GAPVD1: variants seen among roughly 807,000 people sequenced by gnomAD.
The protein encoded by GAPVD1 is GTPase activating protein and VPS9 domains 1, also known as GTPase-activating protein and VPS9 domain-containing protein 1.
In GAPVD1, 35 loss-of-function variants were observed where a neutral mutation model predicts 155.5. The ratio of observed to expected loss-of-function variants is 0.23; its 90% CI spans 0.17 to 0.30. The LOEUF (loss-of-function observed/expected upper bound fraction) is 0.30, where lower values mean the gene tolerates loss of function less well. GAPVD1 is among the 10% of genes least tolerant of loss of function. The probability of loss-of-function intolerance (pLI) is 1.00; values close to 1 mark genes in which losing one functional copy is unlikely to be tolerated. For synonymous variants in GAPVD1, 636 were observed against 619.7 expected, an observed-to-expected ratio of 1.03 and a Z score of -0.39; for missense variants, 1,429 against 1,775.7, an observed-to-expected ratio of 0.80 and a Z score of 3.51.
At chr9:125,335,784 G>C (rs780833931) in intron 15 of GAPVD1, among the ~76,000 whole-genome samples, 5 of 152,118 alleles carry the variant, frequency 3.3e-5, no homozygotes, top group African/African-American at 4.8e-5. Context: ...TTAAACTTCA[G>C]TTTTCTAATA....
At chr9:125,333,539 A>C (rs1036962015) in intron 15 of GAPVD1, among the ~76,000 whole-genome samples, 2 of 123,196 alleles carry the variant, frequency 1.6e-5, no homozygotes, top group Non-Finnish European at 3.2e-5. Context: ...CCCAGGCTGG[A>C]GTGCAATGGC....
At chr9:125,341,145 A>C in intron 17 of GAPVD1, 32 bp from the exon 18 acceptor site, 1 of 1,063,288 alleles carries the variant, frequency 9.4e-7, no homozygotes, top group Non-Finnish European at 1.5e-6. Flanking sequence ...CTGCTATCCA[A>C]CTCCAAATAA....
At chr9:125,290,686 G>A (rs184503015) in intron 2 of GAPVD1, among the ~76,000 whole-genome samples, 74 of 152,264 alleles carry the variant, frequency 4.9e-4, no homozygotes, top group African/African-American at 1.7e-3. Flanking sequence ...AACAGTAAGC[G>A]TCCATCTAGG....
chr9:125,314,979 G>A (rs976577070), intron 9 of GAPVD1, among the ~76,000 whole-genome samples: 1 of 151,950 alleles, frequency 6.6e-6, no homozygotes, highest in Admixed American at 6.6e-5. Flanking sequence ...AGTAGAGACA[G>A]GGTTTCACCA....
intron 2 of GAPVD1, among the ~76,000 whole-genome samples, chr9:125,286,717 G>A (rs977686814): frequency 3.3e-5 from 5 of 152,080 alleles, no homozygotes; most frequent in African/African-American, 9.7e-5. Context: ...GATGCCCTAT[G>A]CCTTTGAGGA....
In GAPVD1 at chr9:125,302,295, C is replaced by A. The variant is rs973107417; in HGVS notation, c.498C>A (p.Asn166Lys). The A allele has an allele frequency of 1.2e-6, 2 of 1,613,860 alleles. No individual in the cohort carries two copies. The highest frequency in any genetic ancestry group is 1.1e-5 in the South Asian group (1 of 91,086). Residue 166 changes from asparagine to lysine, a missense_variant, in exon 5 of 28, where the codon AAC becomes AAA. By Grantham distance (94) the Asn-to-Lys change is moderately conservative (BLOSUM62 0). Coordinates refer to ENST00000297933, the MANE Select transcript of GAPVD1 (RefSeq NM_001282680.3). ...LIEFELKESDNPRRLLRRGTC... is the reference protein window; with the variant it reads ...LIEFELKESDKPRRLLRRGTC... ...AATTTGAACTTAAAGAAAGTGACAACCCTAGGCGACTTTTGAGGAGAGGAA... is the reference window on the plus strand; with the variant it reads ...AATTTGAACTTAAAGAAAGTGACAAACCTAGGCGACTTTTGAGGAGAGGAA...
At chr9:125,296,168 T>C (rs566348650) in intron 3 of GAPVD1, among the ~76,000 whole-genome samples, 86 of 151,966 alleles carry the variant, frequency 5.7e-4, no homozygotes, top group African/African-American at 1.8e-3. Flanking sequence ...CCTAACACTT[T>C]CTTTCTTTCT....
Position 125,347,777 on chromosome 9 carries a change from A to G in GAPVD1, c.3169+836A>G, listed in dbSNP as rs185719342. ...TGCATAAATATGTGTTTATGCTTAT[A>G]TGCACGTAGAGTATCTCCTGGAAGA... is the stretch of plus-strand genomic sequence containing the variant. On this transcript the variant is annotated intron_variant, in intron 20 of 27. Transcript: ENST00000297933. 2.8e-3 allele frequency among the ~76,000 whole-genome samples: 429 copies of G among 152,230 alleles called. 2 individuals are homozygous for G. The highest frequency in any genetic ancestry group is 9.9e-3 in the African/African-American group (412 of 41,550).
chr9:125,342,419 G>A (rs1589056407), intron 19 of GAPVD1, 120 bp downstream of exon 19: 2 of 671,376 alleles, frequency 3.0e-6, no homozygotes, highest in East Asian at 2.6e-5. Context: ...GTACAGTGGG[G>A]AGTATGTTCT....
intron 1 of GAPVD1, among the ~76,000 whole-genome samples, chr9:125,266,754 G>T (rs551608350): frequency 1.3e-5 from 2 of 151,318 alleles, no homozygotes; most frequent in Non-Finnish European, 3.0e-5. Context: ...TGTTCGTTTT[G>T]TTTTTTTCTT....
intron 10 of GAPVD1, among the ~76,000 whole-genome samples, chr9:125,322,072 T>C (rs1237281138): frequency 6.8e-6 from 1 of 146,440 alleles, no homozygotes; most frequent in African/African-American, 2.5e-5. Context: ...CTAGTACCAA[T>C]TTTTTTTTTT....
intron 19 of GAPVD1, chr9:125,346,434 C>A: frequency 3.8e-6 from 1 of 260,290 alleles, no homozygotes; most frequent in Non-Finnish European, 7.5e-6. Flanking sequence ...CCTCCTTCAG[C>A]ATAGAGATGT....
At position 125,295,508 on chromosome 9, in the gene GAPVD1, C is replaced by T. The variant is rs1038938995; in HGVS notation, c.-99C>T. 2.0e-5 allele frequency: 3 copies of T among 146,864 alleles called. No individual in the cohort carries two copies. Among genetic ancestry groups the T allele is most frequent in the African/African-American group, 7.6e-5 (3 of 39,448 alleles). The allele number at this position is 146,864 out of a possible 1,614,324, so 9.1% of individuals were successfully genotyped here. On this transcript the variant is annotated 5_prime_UTR_variant, in exon 3 of 28. Transcript: ENST00000297933. Reference sequence around the variant, plus strand: ...AGTGCAGTGACACGATCTCAGCTCACTGTAACCTCCGCCTCCCGGGTTCAA... The same window carrying T: ...AGTGCAGTGACACGATCTCAGCTCATTGTAACCTCCGCCTCCCGGGTTCAA...
intron 2 of GAPVD1, among the ~76,000 whole-genome samples, chr9:125,276,248 C>T (rs2131983189): frequency 6.6e-6 from 1 of 152,304 alleles, no homozygotes; most frequent in Admixed American, 6.5e-5. Flanking sequence ...CAATGTTTCA[C>T]TCTTGCTTCA....
At position 125,293,668 on chromosome 9, in the gene GAPVD1, A is replaced by AT. The variant is rs1839030820; in HGVS notation, c.-149-1790_-149-1789insT. ...ATAAAAATATATATATTATATATAT[A>AT]ATATAAAAATATATATATTATATAT... On this transcript the variant is annotated intron_variant, in intron 2 of 27. Coordinates refer to ENST00000297933, the MANE Select transcript of GAPVD1 (RefSeq NM_001282680.3). Among the ~76,000 whole-genome samples, 4 of 120,186 alleles carry AT rather than the reference A, an allele frequency of 3.3e-5. No homozygotes were observed. In the South Asian group the frequency reaches 7.6e-4, roughly 23 times the overall value. 78.8% of individuals were successfully genotyped at this position (120,186 alleles called of 152,430 possible). A position where few individuals can be genotyped will look rare whatever the true frequency, so the allele number is the denominator to read the frequency against.
At chr9:125,345,590 C>T (rs1310130720) in intron 19 of GAPVD1, among the ~76,000 whole-genome samples, 2 of 152,136 alleles carry the variant, frequency 1.3e-5, no homozygotes, top group Non-Finnish European at 2.9e-5. Context: ...TACAATTTCA[C>T]GGAGACATGA....
intron 6 of GAPVD1, among the ~76,000 whole-genome samples, chr9:125,305,371 G>GTTT (rs34474690): frequency 1.3e-4 from 14 of 111,562 alleles, no homozygotes; most frequent in East Asian, 2.5e-4. Flanking sequence ...ATTTTAAAAA[G>GTTT]TTTTTTTTTT....
chr9:125,337,570 TA>T lies in GAPVD1; in HGVS notation c.2858del (p.Lys953ArgfsTer154). On this transcript the variant is annotated frameshift_variant, in exon 17 of 28. Transcript: ENST00000297933. LOFTEE classifies it high-confidence loss of function. ...APHSSSSSPS[K>X]DSSRGETEER... ...CTCATTCATCATCTTCATCCCCGAGTAAGGACTCCTCAAGAGGAGAGGTATG... is the reference window on the plus strand; with the variant it reads ...CTCATTCATCATCTTCATCCCCGAGTAGGACTCCTCAAGAGGAGAGGTATG... The T allele has an allele frequency of 6.2e-7, 1 of 1,613,782 alleles. No individual in the cohort carries two copies. Among genetic ancestry groups the T allele is most frequent in the Non-Finnish European group, 8.5e-7 (1 of 1,179,862 alleles).
At chr9:125,347,247 A>G (rs113492456) in intron 20 of GAPVD1, among the ~76,000 whole-genome samples, 1,670 of 152,216 alleles carry the variant, frequency 0.011, 23 homozygotes, top group African/African-American at 0.036. Flanking sequence ...ACAGCTTTGT[A>G]ATTTTATCCA....
Sources: allele counts gnomAD v4.1 joint callset (sites outside exome capture counted in the v4.1 genomes callset), GRCh38; gene constraint gnomAD v4.1.1; transcripts MANE v1.5; gene names NCBI Gene and HGNC (gene_info 2026-07-23, HGNC 2026-07-21).